TESPA1: variants seen among roughly 807,000 people sequenced by gnomAD.
TESPA1 encodes thymocyte expressed, positive selection associated 1.
TESPA1 carries 33 observed loss-of-function variants against 57.9 expected under a neutral mutation model. That is an observed-to-expected ratio of 0.57 (90% CI 0.43 to 0.76). TESPA1 has a LOEUF of 0.76. Ranked by LOEUF, TESPA1 falls within the 30% of genes least tolerant of loss-of-function variation. TESPA1 has a pLI of 0.00. For missense variants in TESPA1, 618 were observed against 632.9 expected (o/e 0.98, Z 0.25); for synonymous variants, 227 against 228.9 (o/e 0.99, Z 0.07).
chr12:54,963,913 C>CT lies in TESPA1; in HGVS notation c.483dup (p.Glu162ArgfsTer35). ...AAGCCCAGACTGAAGAGGACATCTT[C>CT]TGCATCTTCTTGCACTTTGTCCAGA... On this transcript the variant is annotated frameshift_variant, in exon 8 of 11. Coordinates refer to ENST00000449076, the MANE Select transcript of TESPA1 (RefSeq NM_001136030.3). LOFTEE classifies it high-confidence loss of function. 6.2e-7 allele frequency: 1 copy of CT among 1,614,028 alleles called. No individual in the cohort carries two copies. Among genetic ancestry groups the CT allele is most frequent in the Middle Eastern group, 1.7e-4 (1 of 6,060 alleles).
intron 1 of TESPA1, among the ~76,000 whole-genome samples, chr12:54,977,170 C>A (rs927096340): frequency 6.6e-6 from 1 of 152,076 alleles, no homozygotes; most frequent in Non-Finnish European, 1.5e-5. Flanking sequence ...TCCACGAGGA[C>A]AGAAATTTTG....
At chr12:54,976,206 C>G (rs933136894) in intron 1 of TESPA1, among the ~76,000 whole-genome samples, 1 of 152,136 alleles carries the variant, frequency 6.6e-6, no homozygotes, top group East Asian at 1.9e-4. Context: ...AACTTACTGA[C>G]TTGGAAGACT....
chr12:54,982,126 C>T (rs1565879109), intron 1 of TESPA1, among the ~76,000 whole-genome samples: 1 of 152,236 alleles, frequency 6.6e-6, no homozygotes, highest in South Asian at 2.1e-4. Context: ...TGGACAAACT[C>T]CACCTCAACC....
chr12:54,963,275 G>A, intron 8 of TESPA1, 33 bp from the exon 9 acceptor site: 1 of 1,565,652 alleles, frequency 6.4e-7, no homozygotes, highest in South Asian at 1.2e-5. Flanking sequence ...GTAAGTCTGG[G>A]GTTCATCAGC....
At chr12:54,973,010 C>T (rs1951931479) in intron 3 of TESPA1, among the ~76,000 whole-genome samples, 1 of 152,202 alleles carries the variant, frequency 6.6e-6, no homozygotes, top group Admixed American at 6.5e-5. Flanking sequence ...GTGCCTGCTC[C>T]AATTCTCCCC....
chr12:54,984,792 T>G (rs1952433250), upstream of TESPA1: 1 of 152,480 alleles, frequency 6.6e-6, no homozygotes, highest in East Asian at 1.9e-4. Flanking sequence ...CATCCACACA[T>G]GTAGATGCAG....
rs1025742645 is a variant in TESPA1 at position 54,978,019 on chromosome 12, G to GT, written c.-45-3413dup. ...GGAGACAAGAAACCGTTTTTTTTTT[G>GT]TTTTTTTTTCTGTGGAAATCTGCAG... On this transcript the variant is annotated intron_variant, in intron 1 of 10. Transcript: ENST00000449076. 9.0e-4 allele frequency among the ~76,000 whole-genome samples: 131 copies of GT among 145,250 alleles called. No homozygotes were observed. In the East Asian group the frequency reaches 0.012, roughly 13 times the overall value.
chr12:54,975,554 G>A (rs939722496), intron 1 of TESPA1, among the ~76,000 whole-genome samples: 2 of 152,044 alleles, frequency 1.3e-5, no homozygotes, highest in African/African-American at 4.8e-5. Flanking sequence ...CCTCTCCCCA[G>A]CTGGCCACAC....
Position 54,974,525 on chromosome 12 carries a change from T to G in TESPA1, c.38A>C (p.Lys13Thr), listed in dbSNP as rs765811121. The G allele has an allele frequency of 6.2e-7, 1 of 1,600,472 alleles. No individual in the cohort carries two copies. Among genetic ancestry groups the G allele is most frequent in the African/African-American group, 1.3e-5 (1 of 74,684 alleles). The part of the protein sequence containing the change: ...ASVLSPTSWE[K>T]RRAWLRQSRN... Reference sequence around the variant, plus strand: ...GCTCTGACGGAGCCAGGCCCGCCGTTTCTCCCAGGATGTGGGGCTCAGCAC... The same window carrying G: ...GCTCTGACGGAGCCAGGCCCGCCGTGTCTCCCAGGATGTGGGGCTCAGCAC... Residue 13 changes from lysine (K) to threonine (T), a missense_variant, in exon 2 of 11, where the codon AAA (lysine) becomes ACA (threonine). Lys to Thr is a moderately conservative substitution (Grantham distance 78, BLOSUM62 -1). Transcript: ENST00000449076.
intron 10 of TESPA1, among the ~76,000 whole-genome samples, chr12:54,958,431 T>C (rs565329224): frequency 4.6e-4 from 70 of 152,300 alleles, no homozygotes; most frequent in African/African-American, 1.6e-3. Context: ...TTATGATTTT[T>C]CCCTTTACTT....
At chr12:54,970,181 T>TC (rs1951743228) in intron 3 of TESPA1, among the ~76,000 whole-genome samples, 1 of 152,156 alleles carries the variant, frequency 6.6e-6, no homozygotes, top group African/African-American at 2.4e-5. Context: ...CAAGCAATCC[T>TC]CCTGCCTTGG....
At chr12:54,966,530 A>C (rs1321262105) in intron 5 of TESPA1, 106 bp from the exon 6 acceptor site, 1 of 1,330,608 alleles carries the variant, frequency 7.5e-7, no homozygotes, top group African/African-American at 1.5e-5. Context: ...TCTTTTTGTG[A>C]CTATGACAGG....
chr12:54,981,941 A>G (rs1263936055), intron 1 of TESPA1: 1 of 152,356 alleles, frequency 6.6e-6, no homozygotes, highest in Non-Finnish European at 1.5e-5. Context: ...TGCCCCAAGC[A>G]GTGCCTGTGA....
Position 54,976,201 on chromosome 12 carries a change from A to G in TESPA1, c.-45-1594T>C, listed in dbSNP as rs76151299. On this transcript the variant is annotated intron_variant, in intron 1 of 10. Coordinates refer to ENST00000449076, the MANE Select transcript of TESPA1 (RefSeq NM_001136030.3). Reference sequence around the variant, plus strand: ...CGTGATGTTTGAAGCTTTCAAACTTACTGACTTGGAAGACTTACCCTGGTA... The same window carrying G: ...CGTGATGTTTGAAGCTTTCAAACTTGCTGACTTGGAAGACTTACCCTGGTA... Among the ~76,000 whole-genome samples the G allele has an allele frequency of 7.4e-3, 1,132 of 152,322 alleles. 14 individuals are homozygous for G. Among genetic ancestry groups the G allele is most frequent in the African/African-American group, 0.026 (1,062 of 41,568 alleles).
intron 10 of TESPA1, among the ~76,000 whole-genome samples, chr12:54,955,906 C>T (rs1253279774): frequency 6.6e-6 from 1 of 152,042 alleles, no homozygotes; most frequent in Non-Finnish European, 1.5e-5. Context: ...TGTCTAATCT[C>T]TTCTTACACT....
In TESPA1 at chr12:54,966,097, C is replaced by A; in HGVS notation, c.402G>T (p.Leu134Phe). The A allele has an allele frequency of 6.3e-7, 1 of 1,578,804 alleles. No individual in the cohort carries two copies. Among genetic ancestry groups the A allele is most frequent in the Non-Finnish European group, 8.6e-7 (1 of 1,161,250 alleles). Reference protein sequence around the residue: ...PCQLLDLGCSLASSSMTGGTN... With the variant: ...PCQLLDLGCSFASSSMTGGTN... ...TCCCCCCAGTCATGCTGCTGGAAGC[C>A]AAACTACAGCCAAGATCAAGTAGCT... is the stretch of plus-strand genomic sequence containing the variant. The change falls in exon 7 of 11, where the codon TTG (leucine) becomes TTT (phenylalanine). Residue 134 changes from leucine (L) to phenylalanine (F), a missense_variant. Leu to Phe is a conservative substitution (Grantham distance 22, BLOSUM62 0). This residue lies in a region of TESPA1 where 199 missense variants were observed against 184.0 expected (regional missense o/e 1.08). Transcript: ENST00000449076.
At chr12:54,979,009 T>C (rs1952223286) in intron 1 of TESPA1, among the ~76,000 whole-genome samples, 1 of 152,220 alleles carries the variant, frequency 6.6e-6, no homozygotes, top group Non-Finnish European at 1.5e-5. Context: ...CACTGGGAAA[T>C]TATCCCCAAT....
intron 10 of TESPA1, among the ~76,000 whole-genome samples, chr12:54,950,850 A>C (rs1264288912): frequency 6.6e-6 from 1 of 152,090 alleles, no homozygotes; most frequent in Non-Finnish European, 1.5e-5. Flanking sequence ...TTTAGTAATG[A>C]CCCCACAGGA....
intron 3 of TESPA1, among the ~76,000 whole-genome samples, chr12:54,972,478 A>T (rs760850717): frequency 2.0e-5 from 3 of 152,184 alleles, no homozygotes; most frequent in Non-Finnish European, 4.4e-5. Flanking sequence ...AAATCCTAGG[A>T]CAGTTCTCAT....
Sources: gnomAD v4.1 joint callset for allele counts (sites outside exome capture counted in the v4.1 genomes callset) on GRCh38, gnomAD v4.1.1 for gene constraint, gnomAD v4.1.1 regional missense constraint, MANE v1.5 for transcripts, NCBI Gene and HGNC (gene_info 2026-07-23, HGNC 2026-07-21) for gene names.